DISC1: variants seen among roughly 807,000 people sequenced by gnomAD.
DISC1 encodes disrupted in schizophrenia 1 protein.
A neutral mutation model predicts 84.5 loss-of-function variants in DISC1; 57 were observed. That is an observed-to-expected ratio of 0.67 (90% CI 0.55 to 0.84). The LOEUF is 0.84. DISC1 is among the 40% of genes least tolerant of loss of function. The pLI is 0.00. For synonymous variants in DISC1, 411 were observed against 415.2 expected, an observed-to-expected ratio of 0.99 and a Z score of 0.12; for missense variants, 1,000 against 1,057.8, an observed-to-expected ratio of 0.95 and a Z score of 0.76.
intron 10 of DISC1, among the ~76,000 whole-genome samples, chr1:232,004,862 TCCCTGCCTC>T (rs1667151959): frequency 2.4e-5 from 1 of 41,926 alleles, no homozygotes; most frequent in African/African-American, 1.0e-4. Flanking sequence ...CCTCCCTCCC[TCCCTGCCTC>T]CCTCCCTCCC....
chr1:231,799,460 A>G (rs2079012775), intron 7 of DISC1, among the ~76,000 whole-genome samples: 1 of 152,098 alleles, frequency 6.6e-6, no homozygotes, highest in Non-Finnish European at 1.5e-5. Context: ...ATGTGGAAAC[A>G]AAGGAATAGA....
At chr1:231,782,308 A>G (rs941973376) in intron 6 of DISC1, among the ~76,000 whole-genome samples, 5 of 152,162 alleles carry the variant, frequency 3.3e-5, no homozygotes, top group Non-Finnish European at 5.9e-5. Flanking sequence ...TTCTTATCCA[A>G]TAAAGTATGT....
intron 9 of DISC1, among the ~76,000 whole-genome samples, chr1:231,875,306 C>CT (rs1401150570): frequency 6.6e-6 from 1 of 150,936 alleles, no homozygotes; most frequent in African/African-American, 2.4e-5. Flanking sequence ...TGAAGGCCAC[C>CT]TGTCAGCTGA....
At chr1:231,775,309 A>G (rs1330470042) in intron 6 of DISC1, among the ~76,000 whole-genome samples, 2 of 152,236 alleles carry the variant, frequency 1.3e-5, no homozygotes, top group Non-Finnish European at 2.9e-5. Context: ...TTCTGGATGT[A>G]TCACTGGTGG....
chr1:231,776,480 C>T (rs553345887), intron 6 of DISC1, among the ~76,000 whole-genome samples: 6 of 152,180 alleles, frequency 3.9e-5, no homozygotes, highest in Non-Finnish European at 8.8e-5. Context: ...GCTGGCTGGG[C>T]CTTGGTTGGA....
At chr1:231,779,846 A>T (rs1573755207) in intron 6 of DISC1, among the ~76,000 whole-genome samples, 1 of 151,836 alleles carries the variant, frequency 6.6e-6, no homozygotes, top group South Asian at 2.1e-4. Context: ...AGCGTGAGCC[A>T]CCCTGCCGGC....
chr1:231,678,202 G>A (rs894625810), intron 1 of DISC1, among the ~76,000 whole-genome samples: 1 of 152,140 alleles, frequency 6.6e-6, no homozygotes, highest in Non-Finnish European at 1.5e-5. Context: ...TACATACATT[G>A]GTCTCGTCTG....
intron 9 of DISC1, among the ~76,000 whole-genome samples, chr1:231,839,738 G>A (rs1159113814): frequency 6.6e-6 from 1 of 152,198 alleles, no homozygotes; most frequent in Non-Finnish European, 1.5e-5. Flanking sequence ...ATGAAATATA[G>A]TGCTGCCATC....
At chr1:231,647,238 G>A (rs1182537007) in intron 1 of DISC1, among the ~76,000 whole-genome samples, 1 of 152,184 alleles carries the variant, frequency 6.6e-6, no homozygotes, top group Non-Finnish European at 1.5e-5. Flanking sequence ...ATTAATTTTT[G>A]TATAAGGTGT....
In DISC1 at chr1:231,795,268, A is replaced by G. The variant is rs768678309; in HGVS notation, c.1661A>G (p.Asn554Ser). Residue 554 changes from asparagine (N) to serine (S), a missense_variant, in exon 7 of 13, where the codon AAC (asparagine) becomes AGC (serine). Asn to Ser is a conservative substitution (Grantham distance 46, BLOSUM62 1). Coordinates refer to ENST00000439617, the MANE Select transcript of DISC1 (RefSeq NM_018662.3). ...CTCCAGGAAAGAATAAAATCCCTCAACTTGTCACTTAAAGAAATCACTACT... is the reference window on the plus strand; with the variant it reads ...CTCCAGGAAAGAATAAAATCCCTCAGCTTGTCACTTAAAGAAATCACTACT... ...RSLQERIKSL[N>S]LSLKEITTKV... is the part of the protein sequence containing the mutation. The G allele has an allele frequency of 3.1e-6, 5 of 1,613,594 alleles. No individual in the cohort carries two copies. Among genetic ancestry groups the G allele is most frequent in the Non-Finnish European group, 4.2e-6 (5 of 1,179,660 alleles).
intron 8 of DISC1, among the ~76,000 whole-genome samples, chr1:231,800,984 G>A (rs2079187150): frequency 6.6e-6 from 1 of 151,910 alleles, no homozygotes; most frequent in Non-Finnish European, 1.5e-5. Flanking sequence ...GAGTTTTATA[G>A]GTTGAATGGA....
intron 1 of DISC1, among the ~76,000 whole-genome samples, chr1:231,683,329 A>G (rs2063877416): frequency 6.6e-6 from 1 of 152,134 alleles, no homozygotes; most frequent in Non-Finnish European, 1.5e-5. Context: ...GATAGTGTCA[A>G]GAAGCACCAA....
At position 231,792,533 on chromosome 1, in the gene DISC1, A is replaced by T. The variant is rs2078426089; in HGVS notation, c.1635-2709A>T. Among the ~76,000 whole-genome samples, 4 of 152,232 alleles carry T rather than the reference A, an allele frequency of 2.6e-5. No homozygotes were observed. In the South Asian group the frequency reaches 8.3e-4, roughly 32 times the overall value. On this transcript the variant is annotated intron_variant, in intron 6 of 12. Coordinates refer to ENST00000439617, the MANE Select transcript of DISC1 (RefSeq NM_018662.3). ...ACTATTAAATGCTCATATAGGTTCA[A>T]TGATGTGTTGAACCATTTATTAAAA...
chr1:231,748,652 T>G (rs1005105527), intron 3 of DISC1, among the ~76,000 whole-genome samples: 1 of 152,236 alleles, frequency 6.6e-6, no homozygotes, highest in Admixed American at 6.5e-5. Flanking sequence ...GATATTCTGT[T>G]GAGAATTTTT....
intron 6 of DISC1, among the ~76,000 whole-genome samples, chr1:231,786,168 T>C (rs2077843131): frequency 6.6e-6 from 1 of 152,192 alleles, no homozygotes; most frequent in South Asian, 2.1e-4. Flanking sequence ...TTAGATTCTC[T>C]AAATATCTAA....
At chr1:231,990,488 CAT>C (rs911396227) in intron 10 of DISC1, among the ~76,000 whole-genome samples, 4 of 152,154 alleles carry the variant, frequency 2.6e-5, no homozygotes, top group South Asian at 2.1e-4. Flanking sequence ...GGATAGGAAA[CAT>C]ATGTGATTGT....
At chr1:231,879,181 T>C (rs576531580) in intron 9 of DISC1, among the ~76,000 whole-genome samples, 6 of 152,054 alleles carry the variant, frequency 3.9e-5, no homozygotes, top group Non-Finnish European at 8.8e-5. Flanking sequence ...AATGCTCCAA[T>C]TAGCATTTCC....
chr1:231,879,086 TC>T (rs1473763867), intron 9 of DISC1, among the ~76,000 whole-genome samples: 1 of 151,730 alleles, frequency 6.6e-6, no homozygotes, highest in Non-Finnish European at 1.5e-5. Flanking sequence ...CAGGAGTGTT[TC>T]CGATTTTTTT....
At chr1:231,650,896 A>G (rs1253495889) in intron 1 of DISC1, among the ~76,000 whole-genome samples, 2 of 152,074 alleles carry the variant, frequency 1.3e-5, no homozygotes, top group Non-Finnish European at 2.9e-5. Flanking sequence ...TTCTTGTGCC[A>G]TGGTTTTCAG....
Sources: allele counts gnomAD v4.1 joint callset (sites outside exome capture counted in the v4.1 genomes callset), GRCh38; gene constraint gnomAD v4.1.1; transcripts MANE v1.5; gene names NCBI Gene and HGNC (gene_info 2026-07-23, HGNC 2026-07-21).